The following ADAMTSL1 variants were observed in gnomAD, a reference collection of about 807,000 sequenced individuals.
ADAMTSL1 encodes ADAMTS like 1.
A neutral mutation model predicts 201.8 loss-of-function variants in ADAMTSL1; 126 were observed. The ratio of observed to expected loss-of-function variants is 0.62; its 90% CI spans 0.54 to 0.72. The LOEUF (loss-of-function observed/expected upper bound fraction) is 0.72. ADAMTSL1 is among the 30% of genes least tolerant of loss of function. The pLI is 0.00. For synonymous variants in ADAMTSL1, 1,121 were observed against 903.4 expected, an observed-to-expected ratio of 1.24 and a Z score of -4.32; for missense variants, 2,679 against 2,277.8, an observed-to-expected ratio of 1.18 and a Z score of -3.59.
At chr9:18,660,731 T>G (rs1443049794) in intron 8 of ADAMTSL1, among the ~76,000 whole-genome samples, 4 of 152,218 alleles carry the variant, frequency 2.6e-5, no homozygotes, top group Non-Finnish European at 5.9e-5. Context: ...AAAACAAATA[T>G]TGGATAGAAA....
At chr9:18,334,543 A>G (rs904415512) in intron 2 of ADAMTSL1, among the ~76,000 whole-genome samples, 1 of 152,204 alleles carries the variant, frequency 6.6e-6, no homozygotes, top group Non-Finnish European at 1.5e-5. Context: ...TAAAACTCTT[A>G]GTCCTAATAG....
intron 1 of ADAMTSL1, among the ~76,000 whole-genome samples, chr9:17,947,348 C>CT (rs1223429935): frequency 3.3e-5 from 5 of 150,866 alleles, no homozygotes; most frequent in Non-Finnish European, 5.9e-5. Flanking sequence ...CACACACACC[C>CT]CACTATGCAC....
At chr9:18,156,884 G>A (rs1827179303) in intron 1 of ADAMTSL1, among the ~76,000 whole-genome samples, 1 of 152,060 alleles carries the variant, frequency 6.6e-6, no homozygotes, top group Non-Finnish European at 1.5e-5. Flanking sequence ...TTCGTGAAAG[G>A]AATGGGGTAT....
intron 16 of ADAMTSL1, among the ~76,000 whole-genome samples, chr9:18,766,557 G>A (rs56066002): frequency 0.22 from 32,882 of 152,028 alleles, 3,960 homozygotes; most frequent in East Asian, 0.27. Context: ...ACAAAATACC[G>A]TAGACTGAGT....
intron 3 of ADAMTSL1, among the ~76,000 whole-genome samples, chr9:18,565,255 G>A (rs1172037934): frequency 6.6e-6 from 1 of 152,162 alleles, no homozygotes; most frequent in Non-Finnish European, 1.5e-5. Flanking sequence ...TAAACACATA[G>A]TAGGGCACAC....
intron 4 of ADAMTSL1, among the ~76,000 whole-genome samples, chr9:18,610,292 G>C (rs956426293): frequency 1.3e-5 from 2 of 152,110 alleles, no homozygotes; most frequent in African/African-American, 4.8e-5. Flanking sequence ...AATATTTTGT[G>C]CTATGGCTTT....
intron 2 of ADAMTSL1, among the ~76,000 whole-genome samples, chr9:18,458,679 G>A (rs948667540): frequency 2.0e-5 from 3 of 152,092 alleles, no homozygotes; most frequent in African/African-American, 4.8e-5. Flanking sequence ...AAAAAGATTC[G>A]ATCCAGGCAG....
chr9:18,635,774 A>G (rs148418827), intron 5 of ADAMTSL1, among the ~76,000 whole-genome samples, 169 bp from the exon 6 acceptor site: 18 of 152,308 alleles, frequency 1.2e-4, no homozygotes, highest in African/African-American at 4.3e-4. Context: ...GGCATATTTT[A>G]TTTTGAGCAA....
chr9:18,627,235 A>G (rs998723532), intron 5 of ADAMTSL1, among the ~76,000 whole-genome samples: 2 of 151,478 alleles, frequency 1.3e-5, no homozygotes, highest in South Asian at 4.2e-4. Context: ...GCCCACCTCA[A>G]CCTCCCAAAG....
chr9:18,894,387 AGTGATCAAAT>A lies in ADAMTSL1; in HGVS notation c.4851+1792_4851+1801del, dbSNP rs1216583849. On this transcript the variant is annotated intron_variant, in intron 26 of 28. Transcript: ENST00000380548. Reference sequence around the variant, plus strand: ...GAAAAAGGTATGCTGTCTGCAGTATAGTGATCAAATTGGCAAGTGAAAGGACTACAGAAAG... The same window carrying A: ...GAAAAAGGTATGCTGTCTGCAGTATATGGCAAGTGAAAGGACTACAGAAAG... Among the ~76,000 whole-genome samples the A allele has an allele frequency of 7.1e-4, 94 of 131,828 alleles. 2 individuals carry two copies. The highest frequency in any genetic ancestry group is 0.011 in the Middle Eastern group (2 of 174). 86.5% of individuals were successfully genotyped at this position (131,828 alleles called of 152,430 possible).
At chr9:18,771,868 CAT>C (rs1480236805) in intron 17 of ADAMTSL1, among the ~76,000 whole-genome samples, 6 of 152,062 alleles carry the variant, frequency 3.9e-5, no homozygotes, top group Admixed American at 3.9e-4. Flanking sequence ...AATTCTTGCC[CAT>C]ATCTTATCAA....
rs146530264 is a variant in ADAMTSL1 at position 18,029,208 on chromosome 9, C to T, written c.87+122286C>T. 7.2e-3 allele frequency among the ~76,000 whole-genome samples: 1,093 copies of T among 152,198 alleles called. 7 individuals are homozygous for T. Among genetic ancestry groups the T allele is most frequent in the Middle Eastern group, 0.014 (4 of 294 alleles). Reference sequence around the variant, plus strand: ...GATATACAATCATGTCATCTGCAAACGGACAATTTGACTTCCTCTTTTCCT... The same window carrying T: ...GATATACAATCATGTCATCTGCAAATGGACAATTTGACTTCCTCTTTTCCT... On this transcript the variant is annotated intron_variant, in intron 1 of 29. Transcript: ENST00000680146.
intron 27 of ADAMTSL1, 92 bp downstream of exon 27, chr9:18,905,983 AC>A: frequency 8.6e-7 from 1 of 1,159,980 alleles, no homozygotes; most frequent in Non-Finnish European, 1.2e-6. Flanking sequence ...CAACTAACTT[AC>A]CACAGTCCCA....
rs1825920774 is a variant in ADAMTSL1 at position 18,619,861 on chromosome 9, A to G, written c.475-2382A>G. Among the ~76,000 whole-genome samples the G allele has an allele frequency of 5.3e-5, 8 of 152,168 alleles. No individual in the cohort carries two copies. In the South Asian group the frequency reaches 1.4e-3, roughly 28 times the overall value. On this transcript the variant is annotated intron_variant, in intron 4 of 28. Coordinates refer to ENST00000380548, the MANE Select transcript of ADAMTSL1 (RefSeq NM_001040272.6). ...CCCAATGCCTGCGCTGTCCTTCCACATGGTCAAGGATCTTGTCAGATTAAG... is the reference window on the plus strand; with the variant it reads ...CCCAATGCCTGCGCTGTCCTTCCACGTGGTCAAGGATCTTGTCAGATTAAG...
chr9:18,135,569 G>A (rs1826123531), intron 1 of ADAMTSL1, among the ~76,000 whole-genome samples: 1 of 152,098 alleles, frequency 6.6e-6, no homozygotes, highest in East Asian at 1.9e-4. Flanking sequence ...GCTGAGATGG[G>A]AGAACTGCTG....
rs376014943 is a variant in ADAMTSL1 at position 18,711,439 on chromosome 9, G to A, written c.1876+4391G>A. ...CGAGGCATTGCCTCACTCGGGAAGC[G>A]CAAGGGGTCAGGGAGTTCCCTTTCC... On this transcript the variant is annotated intron_variant, in intron 14 of 28. Transcript: ENST00000380548. Among the ~76,000 whole-genome samples the A allele has an allele frequency of 3.4e-3, 515 of 152,314 alleles. 4 individuals carry two copies. The highest frequency in any genetic ancestry group is 0.014 in the South Asian group (69 of 4,832).
At chr9:18,806,874 C>G (rs537979996) in intron 20 of ADAMTSL1, among the ~76,000 whole-genome samples, 1 of 152,220 alleles carries the variant, frequency 6.6e-6, no homozygotes, top group Non-Finnish European at 1.5e-5. Context: ...TCCTTAATGG[C>G]CTTCACATCC....
At chr9:18,737,085 G>A (rs895244623) in intron 15 of ADAMTSL1, among the ~76,000 whole-genome samples, 2 of 152,116 alleles carry the variant, frequency 1.3e-5, no homozygotes, top group Admixed American at 6.6e-5. Flanking sequence ...TTGGAAGGCC[G>A]AGGCAGGTGG....
chr9:18,373,320 A>G (rs1227835022), intron 2 of ADAMTSL1, among the ~76,000 whole-genome samples: 3 of 152,216 alleles, frequency 2.0e-5, no homozygotes, highest in African/African-American at 7.2e-5. Flanking sequence ...TAACCTATTT[A>G]TAAATGTGAA....
Sources: allele counts gnomAD v4.1 joint callset (sites outside exome capture counted in the v4.1 genomes callset), GRCh38; gene constraint gnomAD v4.1.1; transcripts MANE v1.5; gene names NCBI Gene and HGNC (gene_info 2026-07-23, HGNC 2026-07-21).